NAV3: variants seen among roughly 807,000 people sequenced by gnomAD.
NAV3 encodes pore membrane and/or filament interacting like protein 1.
NAV3 carries 87 observed loss-of-function variants against 244.7 expected under a neutral mutation model. The observed-to-expected ratio is 0.36, with a 90% CI of 0.30 to 0.42. NAV3 has a LOEUF of 0.42. Ranked by LOEUF, NAV3 falls within the 20% of genes least tolerant of loss-of-function variation. The pLI is 1.00. For synonymous variants in NAV3, 1,126 were observed against 1,042.2 expected (o/e 1.08, Z -1.55); for missense variants, 2,663 against 2,893.3 (o/e 0.92, Z 1.83).
intron 2 of NAV3, among the ~76,000 whole-genome samples, chr12:77,781,410 C>A (rs985598985): frequency 4.6e-5 from 7 of 152,274 alleles, no homozygotes; most frequent in Middle Eastern, 3.4e-3. Context: ...AACCTTATAA[C>A]CCTTTATCAG....
chr12:78,148,497 A>C lies in NAV3; in HGVS notation c.4708-345A>C, dbSNP rs553146283. On this transcript the variant is annotated intron_variant, in intron 21 of 39. Transcript: ENST00000397909. Reference sequence around the variant, plus strand: ...ATGTGTGTATATACAGTTTTTATAAAGAAAATATTTTTCTACAGTTTTATT... The same window carrying C: ...ATGTGTGTATATACAGTTTTTATAACGAAAATATTTTTCTACAGTTTTATT... 5.3e-5 allele frequency among the ~76,000 whole-genome samples: 8 copies of C among 152,268 alleles called. No individual in the cohort carries two copies. The South Asian group carries it at 1.7e-3, about 32-fold the overall frequency.
intron 18 of NAV3, among the ~76,000 whole-genome samples, chr12:78,136,733 G>T (rs1956389228): frequency 6.6e-6 from 1 of 152,044 alleles, no homozygotes; most frequent in African/African-American, 2.4e-5. Context: ...GAGAGTATTT[G>T]CCTGGAAGCA....
chr12:77,750,072 G>A (rs1868764711), intron 2 of NAV3, among the ~76,000 whole-genome samples: 1 of 152,204 alleles, frequency 6.6e-6, no homozygotes, highest in South Asian at 2.1e-4. Context: ...AACCTCTGTT[G>A]GCTAGGTGCG....
chr12:77,818,579 G>A (rs1212593921), intron 2 of NAV3, among the ~76,000 whole-genome samples: 1 of 152,112 alleles, frequency 6.6e-6, no homozygotes, highest in Non-Finnish European at 1.5e-5. Context: ...TGAGGGGTAT[G>A]TGATTGCTAA....
chr12:77,879,634 T>C, intron 1 of NAV3, among the ~76,000 whole-genome samples: 1 of 125,860 alleles, frequency 7.9e-6, no homozygotes, highest in Admixed American at 1.0e-4. Context: ...TGAGCCAAGA[T>C]CGAGCCACTT....
chr12:77,611,863 G>A (rs930349157), intron 2 of NAV3, among the ~76,000 whole-genome samples: 2 of 151,960 alleles, frequency 1.3e-5, no homozygotes, highest in Non-Finnish European at 2.9e-5. Flanking sequence ...TTCTCTTCAT[G>A]CTTTAATATA....
intron 11 of NAV3, among the ~76,000 whole-genome samples, chr12:78,057,133 G>T (rs1409116715): frequency 6.6e-6 from 1 of 152,122 alleles, no homozygotes; most frequent in Non-Finnish European, 1.5e-5. Flanking sequence ...TCTTTGAAAA[G>T]TCTCTATTTA....
rs557754430 is a variant in NAV3, at chr12:77,628,499, A to C, written c.72+56233A>C. ...GAGAGAAGAAACACAATTATCAGTA[A>C]AATATGTGAATTTTTCAATAGTAAT... On this transcript the variant is annotated intron_variant, in intron 2 of 8. Transcript: ENST00000550042. 7.2e-5 allele frequency among the ~76,000 whole-genome samples: 11 copies of C among 152,330 alleles called. No homozygotes were observed. In the East Asian group the frequency reaches 2.1e-3, roughly 29 times the overall value.
chr12:78,176,524 T>C, intron 26 of NAV3, 65 bp downstream of exon 26: 1 of 1,527,264 alleles, frequency 6.5e-7, no homozygotes. Context: ...GCATGAATGC[T>C]ATCCATTTTG....
rs754578095 is a variant in NAV3, at chr12:78,007,090, G to C, written c.1552G>C (p.Glu518Gln). ...CAGCAAGACAACAGCAGCTAAGAAG[G>C]AAAGCTTAATTCCGTCTTCCAGTGG... ...KGSKTTAAKK[E>Q]SLIPSSSGIP... The change falls in exon 8 of 40, where the codon GAA becomes CAA. Residue 518 changes from glutamate (E) to glutamine (Q), a missense_variant. By Grantham distance (29) the Glu-to-Gln change is conservative (BLOSUM62 2). Transcript: ENST00000397909. The C allele has an allele frequency of 1.2e-6, 2 of 1,614,098 alleles. No homozygotes were observed. The highest frequency in any genetic ancestry group is 2.2e-5 in the South Asian group (2 of 91,084).
chr12:78,203,438 G>C (rs1401790396), intron 38 of NAV3, among the ~76,000 whole-genome samples: 2 of 152,036 alleles, frequency 1.3e-5, no homozygotes, highest in African/African-American at 4.8e-5. Context: ...TCTAAAACAA[G>C]ATAACTATTT....
intron 1 of NAV3, among the ~76,000 whole-genome samples, chr12:77,839,824 C>T (rs1161746939): frequency 6.6e-6 from 1 of 152,146 alleles, no homozygotes; most frequent in Non-Finnish European, 1.5e-5. Flanking sequence ...AATCCCAGCA[C>T]TTTGGGAGGC....
chr12:77,846,376 C>A (rs1876635772), intron 1 of NAV3, among the ~76,000 whole-genome samples: 1 of 152,112 alleles, frequency 6.6e-6, no homozygotes, highest in Admixed American at 6.5e-5. Flanking sequence ...GAAGATAATT[C>A]TAATAGAAAA....
chr12:77,809,136 G>C (rs1872152817), intron 2 of NAV3, among the ~76,000 whole-genome samples: 1 of 152,216 alleles, frequency 6.6e-6, no homozygotes, highest in Non-Finnish European at 1.5e-5. Flanking sequence ...TGCTGAGCTA[G>C]ACCACTTTGC....
chr12:78,081,339 A>G (rs1397211605), intron 12 of NAV3, among the ~76,000 whole-genome samples: 1 of 152,174 alleles, frequency 6.6e-6, no homozygotes, highest in African/African-American at 2.4e-5. Flanking sequence ...TGAACCTGGT[A>G]GTTCAGTACC....
intron 2 of NAV3, among the ~76,000 whole-genome samples, chr12:77,734,966 T>C (rs1166687998): frequency 2.6e-5 from 4 of 152,160 alleles, no homozygotes; most frequent in Non-Finnish European, 4.4e-5. Flanking sequence ...TCAGATATAA[T>C]TCATTTCACC....
At chr12:77,628,735 C>A (rs1192205878) in intron 2 of NAV3, among the ~76,000 whole-genome samples, 2 of 150,766 alleles carry the variant, frequency 1.3e-5, no homozygotes, top group Non-Finnish European at 3.0e-5. Context: ...AAAAAAAATA[C>A]AAAAAATTAG....
intron 1 of NAV3, among the ~76,000 whole-genome samples, chr12:77,912,137 T>C (rs1269983461): frequency 6.6e-6 from 1 of 152,134 alleles, no homozygotes; most frequent in East Asian, 1.9e-4. Flanking sequence ...AAAAAAGATG[T>C]GTTGAAATTC....
chr12:78,033,078 A>G (rs923483214), intron 9 of NAV3, among the ~76,000 whole-genome samples: 1 of 152,220 alleles, frequency 6.6e-6, no homozygotes, highest in Non-Finnish European at 1.5e-5. Context: ...TATTAAAATT[A>G]TTGGTTGAAT....
Sources: gnomAD v4.1 joint callset for allele counts (sites outside exome capture counted in the v4.1 genomes callset) on GRCh38, gnomAD v4.1.1 for gene constraint, MANE v1.5 for transcripts, NCBI Gene and HGNC (gene_info 2026-07-23, HGNC 2026-07-21) for gene names.